PDZRN3: variants seen among roughly 807,000 people sequenced by gnomAD.
PDZRN3 encodes the protein PDZ domain containing ring finger 3, also known as E3 ubiquitin-protein ligase PDZRN3.
PDZRN3 carries 38 observed loss-of-function variants against 85.7 expected under a neutral mutation model. The ratio of observed to expected loss-of-function variants is 0.44; its 90% CI spans 0.34 to 0.58. The LOEUF is 0.58. PDZRN3 is among the 20% of genes least tolerant of loss of function. The pLI, the probability that PDZRN3 is intolerant of heterozygous loss-of-function variation, is 0.01. For missense variants in PDZRN3, 1,629 were observed against 1,506.4 expected (o/e 1.08, Z -1.35); for synonymous variants, 759 against 638.0 (o/e 1.19, Z -2.86).
chr3:73,420,842 T>C (rs1702185868), intron 3 of PDZRN3, among the ~76,000 whole-genome samples: 1 of 152,210 alleles, frequency 6.6e-6, no homozygotes, highest in Non-Finnish European at 1.5e-5. Context: ...CCATGAATTC[T>C]CAAGTTCCTG....
chr3:73,387,688 G>A (rs550880148), intron 8 of PDZRN3, among the ~76,000 whole-genome samples: 28 of 152,222 alleles, frequency 1.8e-4, no homozygotes, highest in Middle Eastern at 3.4e-3. Context: ...ACGTGACCCC[G>A]GTTGTGTTTT....
intron 1 of PDZRN3, among the ~76,000 whole-genome samples, chr3:73,613,918 A>G (rs1702722377): frequency 6.6e-6 from 1 of 152,100 alleles, no homozygotes; most frequent in Non-Finnish European, 1.5e-5. Context: ...TTAGGTCTTT[A>G]GGATTAAGAA....
At chr3:73,466,332 AAAG>A (rs994636696) in intron 3 of PDZRN3, among the ~76,000 whole-genome samples, 8 of 141,176 alleles carry the variant, frequency 5.7e-5, no homozygotes, top group African/African-American at 2.0e-4. Flanking sequence ...GAAAAAAAAA[AAAG>A]GGGGGGCCCT....
At chr3:73,560,486 C>T (rs1353150401) in intron 3 of PDZRN3, among the ~76,000 whole-genome samples, 1 of 152,138 alleles carries the variant, frequency 6.6e-6, no homozygotes, top group African/African-American at 2.4e-5. Context: ...AAAATATGCA[C>T]CACTGTATAT....
intron 7 of PDZRN3, among the ~76,000 whole-genome samples, chr3:73,388,647 G>A (rs1701449897): frequency 6.6e-6 from 1 of 152,002 alleles, no homozygotes; most frequent in Non-Finnish European, 1.5e-5. Flanking sequence ...TGCTGGTCTG[G>A]AGGTCTTAGT....
At chr3:73,416,742 A>G (rs1702089160) in intron 3 of PDZRN3, among the ~76,000 whole-genome samples, 1 of 152,164 alleles carries the variant, frequency 6.6e-6, no homozygotes, top group African/African-American at 2.4e-5. Context: ...CAGTGGGGGA[A>G]GCTCTACCCA....
intron 5 of PDZRN3, among the ~76,000 whole-genome samples, chr3:73,397,635 G>A (rs1701666678): frequency 6.6e-6 from 1 of 152,216 alleles, no homozygotes; most frequent in Admixed American, 6.5e-5. Context: ...GTTCTCTAGT[G>A]GAGAGACCCT....
chr3:73,383,251 T>C lies in PDZRN3; in HGVS notation c.*114A>G, dbSNP rs1354522440. 9.8e-7 allele frequency: 1 copy of C among 1,019,070 alleles called. No individual in the cohort carries two copies. The highest frequency in any genetic ancestry group is 1.6e-5 in the South Asian group (1 of 61,362). The allele number at this position is 1,019,070 out of a possible 1,614,324, so 63.1% of individuals were successfully genotyped here. The stretch of plus-strand genomic sequence containing the variant: ...TTGTAGGGTTTGCAAATTTGGACTA[T>C]AAACATGAAGACCGTACTTATCTTA... On this transcript the variant is annotated 3_prime_UTR_variant, in exon 10 of 10. Coordinates refer to ENST00000263666, the MANE Select transcript of PDZRN3 (RefSeq NM_015009.3).
chr3:73,407,098 C>T (rs1432799963), intron 3 of PDZRN3, among the ~76,000 whole-genome samples: 1 of 152,122 alleles, frequency 6.6e-6, no homozygotes, highest in African/African-American at 2.4e-5. Flanking sequence ...CCTTTTGCCT[C>T]GTGATGGATT....
intron 3 of PDZRN3, among the ~76,000 whole-genome samples, chr3:73,496,218 C>T (rs1189577980): frequency 2.6e-5 from 4 of 152,168 alleles, no homozygotes; most frequent in African/African-American, 7.2e-5. Context: ...CATCATTTAA[C>T]TTAAGAACAT....
Position 73,383,267 on chromosome 3 carries a change from ACTTAT to A in PDZRN3, c.*93_*97del, listed in dbSNP as rs1479581980. On this transcript the variant is annotated 3_prime_UTR_variant, in exon 10 of 10. Transcript: ENST00000263666. Reference sequence around the variant, plus strand: ...TTTGGACTATAAACATGAAGACCGTACTTATCTTATATACAAAAACTTGCCGCATT... The same window carrying A: ...TTTGGACTATAAACATGAAGACCGTACTTATATACAAAAACTTGCCGCATT... The A allele has an allele frequency of 1.8e-6, 2 of 1,136,724 alleles. No homozygotes were observed. Among genetic ancestry groups the A allele is most frequent in the Middle Eastern group, 2.1e-4 (1 of 4,872 alleles). The allele number at this position is 1,136,724 out of a possible 1,614,324, so 70.4% of individuals were successfully genotyped here. A position where few individuals can be genotyped will look rare whatever the true frequency, so the allele number is the denominator to read the frequency against.
intron 3 of PDZRN3, among the ~76,000 whole-genome samples, chr3:73,452,944 G>C: frequency 6.6e-6 from 1 of 150,722 alleles, no homozygotes; most frequent in Admixed American, 6.7e-5. Context: ...AAACACACAT[G>C]TTCTCCTGTC....
chr3:73,383,781 C>T lies in PDZRN3; in HGVS notation c.2785G>A (p.Gly929Arg), dbSNP rs769665096. The stretch of plus-strand genomic sequence containing the variant: ...GGCCTCTTGGTGATGTAGCGCGTCC[C>T]GTCGCTGCGGATCTTCACCTTCCAC... ...MEWKVKIRSD[G>R]TRYITKRPVR... Residue 929 changes from glycine to arginine, a missense_variant, in exon 10 of 10, where the codon GGG becomes AGG. By Grantham distance (125) the Gly-to-Arg change is moderately radical. Transcript: ENST00000263666. 6.2e-7 allele frequency: 1 copy of T among 1,613,416 alleles called. No homozygotes were observed. Among genetic ancestry groups the T allele is most frequent in the Non-Finnish European group, 8.5e-7 (1 of 1,180,000 alleles).
chr3:73,516,208 C>T (rs1019658038), intron 3 of PDZRN3, among the ~76,000 whole-genome samples: 3 of 151,898 alleles, frequency 2.0e-5, no homozygotes, highest in African/African-American at 7.3e-5. Flanking sequence ...TGCCTGTATA[C>T]ATACATATCT....
At chr3:73,443,071 G>A (rs1176951671) in intron 3 of PDZRN3, among the ~76,000 whole-genome samples, 1 of 152,076 alleles carries the variant, frequency 6.6e-6, no homozygotes, top group East Asian at 1.9e-4. Flanking sequence ...TCCCAGCCGC[G>A]CCCCACCACC....
chr3:73,388,095 G>T (rs898773084), intron 7 of PDZRN3, 26 bp from the exon 8 acceptor site: 4 of 1,006,290 alleles, frequency 4.0e-6, no homozygotes, highest in Non-Finnish European at 6.0e-6. Flanking sequence ...GGGGGGTGGG[G>T]AGAGTGGGGA....
intron 3 of PDZRN3, among the ~76,000 whole-genome samples, chr3:73,475,737 T>G (rs1015297521): frequency 6.6e-6 from 1 of 152,194 alleles, no homozygotes; most frequent in African/African-American, 2.4e-5. Context: ...CTTTTAGAAC[T>G]GACTGTAAGA....
intron 3 of PDZRN3, among the ~76,000 whole-genome samples, chr3:73,439,377 G>C (rs903309521): frequency 1.3e-5 from 2 of 152,140 alleles, no homozygotes; most frequent in East Asian, 3.9e-4. Flanking sequence ...ATCACTTTTT[G>C]TGCCTTTGGT....
intron 3 of PDZRN3, among the ~76,000 whole-genome samples, chr3:73,426,705 C>T (rs891661171): frequency 4.6e-5 from 7 of 152,176 alleles, no homozygotes; most frequent in African/African-American, 7.2e-5. Context: ...GGCTCCTAAA[C>T]GTGAACTTGC....
Sources: gnomAD v4.1 joint callset for allele counts (sites outside exome capture counted in the v4.1 genomes callset) on GRCh38, gnomAD v4.1.1 for gene constraint, MANE v1.5 for transcripts, NCBI Gene and HGNC (gene_info 2026-07-23, HGNC 2026-07-21) for gene names.